Variants in APC observed in about 807,000 individuals in gnomAD.
APC encodes APC regulator of Wnt signaling pathway, also known as adenomatous polyposis coli protein.
In APC, 72 loss-of-function variants were observed where a neutral mutation model predicts 247.0. The ratio of observed to expected loss-of-function variants is 0.29; its 90% CI spans 0.24 to 0.35. The LOEUF is 0.35. Among genes scored for constraint, APC ranks in the 10% least tolerant of loss-of-function variants. The probability of loss-of-function intolerance (pLI) is 1.00; values close to 1 mark genes in which losing one functional copy is unlikely to be tolerated. For synonymous variants in APC, 1,254 were observed against 1,162.5 expected, an observed-to-expected ratio of 1.08 and a Z score of -1.60; for missense variants, 3,400 against 3,360.7, an observed-to-expected ratio of 1.01 and a Z score of -0.29.
intron 8 of APC, among the ~76,000 whole-genome samples, chr5:112,806,899 G>A (rs1243642929): frequency 6.6e-6 from 1 of 152,156 alleles, no homozygotes; most frequent in East Asian, 1.9e-4. Flanking sequence ...TTGGGAGGCT[G>A]AGATGAGTGG....
At chr5:112,733,121 G>A (rs1470438758), upstream of APC, among the ~76,000 whole-genome samples, 3 of 152,164 alleles carry the variant, frequency 2.0e-5, no homozygotes, top group Admixed American at 6.5e-5. Context: ...GTAGAGTAGC[G>A]AAGAGCTATA....
chr5:112,815,707 A>C, intron 9 of APC, 114 bp downstream of exon 9: 1 of 755,726 alleles, frequency 1.3e-6, no homozygotes, highest in Non-Finnish European at 2.2e-6. Context: ...AGGCCAAGGC[A>C]GGTGGATCAC....
chr5:112,766,464 T>C, intron 3 of APC, 54 bp downstream of exon 3: 1 of 1,264,104 alleles, frequency 7.9e-7, no homozygotes, highest in South Asian at 1.2e-5. Flanking sequence ...ATTGTCATCT[T>C]TAGGTGTGTA....
chr5:112,766,189 T>C (rs1467444202), intron 2 of APC, 137 bp from the exon 3 acceptor site: 3 of 602,774 alleles, frequency 5.0e-6, no homozygotes, highest in Non-Finnish European at 9.0e-6. Context: ...TAATGAATAA[T>C]AGGTAATATA....
At chr5:112,724,819 G>A (rs1009199602) in intron 1 of APC, among the ~76,000 whole-genome samples, 5 of 152,058 alleles carry the variant, frequency 3.3e-5, no homozygotes, top group Non-Finnish European at 5.9e-5. Flanking sequence ...GGTGAGTGGC[G>A]GTGGGTAAGG....
In APC at chr5:112,841,785, G is replaced by C. The variant is rs750650746; in HGVS notation, c.6191G>C (p.Ser2064Thr). Residue 2064 changes from serine (S) to threonine (T), a missense_variant, in exon 16 of 16, where the codon AGT becomes ACT. Around this residue, in one of 9 missense-constraint regions of APC, gnomAD observed 1,788 missense variants for 1,649.5 expected, o/e 1.08. Transcript: ENST00000257430. This position sits in a 1 kb window ranked among gnomAD's most constrained non-coding sequence, Gnocchi z 4.6. ...SRLKGDNEKH[S>T]PRNMGGILGE... The stretch of plus-strand genomic sequence containing the variant: ...CTCAAGGGTGATAATGAAAAACATA[G>C]TCCCAGAAATATGGGTGGCATATTA... 2 of 1,614,028 alleles carry C rather than the reference G, an allele frequency of 1.2e-6. No individual in the cohort carries two copies. The highest frequency in any genetic ancestry group is 2.2e-5 in the South Asian group (2 of 91,086).
chr5:112,789,234 A>G (rs1759311217), intron 6 of APC, among the ~76,000 whole-genome samples: 1 of 152,230 alleles, frequency 6.6e-6, no homozygotes, highest in Non-Finnish European at 1.5e-5. Context: ...AAGGAAAGAA[A>G]TACTTAGTGG....
At chr5:112,772,817 C>T (rs902992179) in intron 4 of APC, among the ~76,000 whole-genome samples, 1 of 152,172 alleles carries the variant, frequency 6.6e-6, no homozygotes, top group African/African-American at 2.4e-5. Context: ...GTGCCTGGCC[C>T]CAACTCTTAT....
At chr5:112,772,812 TG>T (rs1245334326) in intron 4 of APC, among the ~76,000 whole-genome samples, 2 of 152,240 alleles carry the variant, frequency 1.3e-5, no homozygotes, top group Admixed American at 1.3e-4. Flanking sequence ...CCGCCGTGCC[TG>T]GCCCCAACTC....
At chr5:112,825,670 A>G (rs1200783625) in intron 11 of APC, among the ~76,000 whole-genome samples, 1 of 152,222 alleles carries the variant, frequency 6.6e-6, no homozygotes, top group Non-Finnish European at 1.5e-5. Flanking sequence ...CGGGCAACAT[A>G]GTGGCACCCT....
At chr5:112,716,980 C>A (rs1053167974) in intron 1 of APC, among the ~76,000 whole-genome samples, 1 of 151,852 alleles carries the variant, frequency 6.6e-6, no homozygotes, top group African/African-American at 2.4e-5. Flanking sequence ...ACTTGCAGCC[C>A]TTCTCATATA....
At chr5:112,784,120 T>G (rs1378118068) in intron 6 of APC, among the ~76,000 whole-genome samples, 1 of 152,156 alleles carries the variant, frequency 6.6e-6, no homozygotes, top group Non-Finnish European at 1.5e-5. Context: ...CAGGCTGGAG[T>G]GCAGTGGTTT....
intron 8 of APC, among the ~76,000 whole-genome samples, chr5:112,813,072 C>G (rs1435211876): frequency 6.6e-6 from 1 of 152,142 alleles, no homozygotes; most frequent in Non-Finnish European, 1.5e-5. Context: ...CAGTCCAACC[C>G]CAGACTTCCC....
chr5:112,836,669 A>C (rs1416134173), intron 15 of APC, among the ~76,000 whole-genome samples: 2 of 152,220 alleles, frequency 1.3e-5, no homozygotes, highest in African/African-American at 4.8e-5. Flanking sequence ...TTTTAAAAAT[A>C]ATAAGCACAC....
At chr5:112,833,297 C>G (rs1373750076) in intron 14 of APC, among the ~76,000 whole-genome samples, 1 of 151,778 alleles carries the variant, frequency 6.6e-6, no homozygotes, top group Admixed American at 6.6e-5. Context: ...ATTCCCCTGC[C>G]TCAGCCTCCC....
At chr5:112,762,480 T>G (rs1330285356) in intron 2 of APC, among the ~76,000 whole-genome samples, 1 of 152,186 alleles carries the variant, frequency 6.6e-6, no homozygotes, top group Non-Finnish European at 1.5e-5. Context: ...TGGGCTGTAT[T>G]TATACAGTGG....
chr5:112,818,868 T>TTTAGAG, intron 9 of APC, 98 bp from the exon 10 acceptor site: 3 of 1,374,184 alleles, frequency 2.2e-6, no homozygotes, highest in South Asian at 1.2e-5. Context: ...GTTTTGTTTT[T>TTTAGAG]TTAGAGTTAT....
At chr5:112,837,011 G>C (rs140866409) in intron 15 of APC, among the ~76,000 whole-genome samples, 1 of 152,104 alleles carries the variant, frequency 6.6e-6, no homozygotes, top group Non-Finnish European at 1.5e-5. Flanking sequence ...AAGAGCACTC[G>C]TAAGAAGGAT....
intron 8 of APC, among the ~76,000 whole-genome samples, chr5:112,815,100 C>A (rs1253304552): frequency 6.6e-6 from 1 of 152,182 alleles, no homozygotes; most frequent in Non-Finnish European, 1.5e-5. Context: ...AGAACTTGGA[C>A]TGTAGCAAAT....
Sources: gnomAD v4.1 joint callset for allele counts (sites outside exome capture counted in the v4.1 genomes callset) on GRCh38, gnomAD v4.1.1 for gene constraint, gnomAD v4.1.1 regional missense constraint, Gnocchi (gnomAD v3.1) non-coding constraint, MANE v1.5 for transcripts, NCBI Gene and HGNC (gene_info 2026-07-23, HGNC 2026-07-21) for gene names.